Variants in PDS5A observed in about 807,000 individuals in gnomAD.
PDS5A encodes the protein PDS5 cohesin associated factor A.
In PDS5A, 42 loss-of-function variants were observed where a neutral mutation model predicts 167.1. The observed-to-expected ratio is 0.25, with a 90% CI of 0.20 to 0.33. The LOEUF is 0.33. Ranked by LOEUF, PDS5A falls within the 10% of genes least tolerant of loss-of-function variation. The probability of loss-of-function intolerance (pLI) is 1.00; values close to 1 mark genes in which losing one functional copy is unlikely to be tolerated. For missense variants in PDS5A, 1,033 were observed against 1,605.9 expected (o/e 0.64, Z 6.10); for synonymous variants, 553 against 554.6 (o/e 1.00, Z 0.04).
intron 2 of PDS5A, among the ~76,000 whole-genome samples, chr4:39,930,779 A>G (rs1487228418): frequency 1.3e-5 from 2 of 152,122 alleles, no homozygotes; most frequent in African/African-American, 4.8e-5. Flanking sequence ...CTAAATATTT[A>G]GGGAAGTATA....
chr4:39,976,800 C>A (rs551733734), intron 1 of PDS5A, among the ~76,000 whole-genome samples, 183 bp from the exon 2 acceptor site: 124 of 152,350 alleles, frequency 8.1e-4, no homozygotes, highest in African/African-American at 2.7e-3. Flanking sequence ...CCGGCCCTGC[C>A]AGCCCCAGGC....
chr4:39,896,133 C>T (rs1261132512), intron 16 of PDS5A, among the ~76,000 whole-genome samples: 1 of 151,308 alleles, frequency 6.6e-6, no homozygotes. Context: ...GGCTTAAAAT[C>T]CTGGGCTCAA....
At chr4:39,828,719 T>C (rs1434065063) in intron 32 of PDS5A, among the ~76,000 whole-genome samples, 1 of 152,196 alleles carries the variant, frequency 6.6e-6, no homozygotes, top group African/African-American at 2.4e-5. Context: ...GTGGTGCAAG[T>C]GTAAAGTACC....
chr4:39,967,470 A>AC (rs1385083997), intron 2 of PDS5A, among the ~76,000 whole-genome samples: 1 of 151,298 alleles, frequency 6.6e-6, no homozygotes, highest in Non-Finnish European at 1.5e-5. Flanking sequence ...ACATGGTGAA[A>AC]CCCCGTCTCT....
At chr4:39,884,474 T>A (rs1454774340) in intron 17 of PDS5A, among the ~76,000 whole-genome samples, 1 of 152,226 alleles carries the variant, frequency 6.6e-6, no homozygotes, top group Non-Finnish European at 1.5e-5. Context: ...GATGTACATG[T>A]TGGAAAGGAC....
At chr4:39,910,132 C>T (rs898157859) in intron 10 of PDS5A, 112 bp downstream of exon 10, 5 of 547,820 alleles carry the variant, frequency 9.1e-6, no homozygotes, top group African/African-American at 3.8e-5. Context: ...AATGAAAACA[C>T]GAGACCATAC....
intron 2 of PDS5A, chr4:39,974,313 C>A: frequency 3.8e-6 from 2 of 527,988 alleles, no homozygotes; most frequent in South Asian, 2.8e-5. Flanking sequence ...TGAGTCATGT[C>A]AACAGAGCGG....
chr4:39,888,793 G>A (rs541146015), intron 17 of PDS5A, among the ~76,000 whole-genome samples: 14 of 152,220 alleles, frequency 9.2e-5, no homozygotes, highest in Non-Finnish European at 1.8e-4. Flanking sequence ...GCTGGGAAGG[G>A]TGAGAAAGGC....
rs899385489 is a variant in PDS5A, at chr4:39,823,627, ACT to A, written c.*1856_*1857del. The A allele has an allele frequency of 3.3e-5, 5 of 152,556 alleles. No individual in the cohort carries two copies. The highest frequency in any genetic ancestry group is 4.8e-5 in the African/African-American group (2 of 41,424). 9.5% of individuals were successfully genotyped at this position (152,556 alleles called of 1,614,324 possible). A position where few individuals can be genotyped will look rare whatever the true frequency, so the allele number is the denominator to read the frequency against. On this transcript the variant is annotated 3_prime_UTR_variant, in exon 33 of 33. Coordinates refer to ENST00000303538, the MANE Select transcript of PDS5A (RefSeq NM_001100399.2). Reference sequence around the variant, plus strand: ...AACACACCTACTGATTGCTTGAGGGACTTCTCTGATACTTATGCATAGATACT... The same window carrying A: ...AACACACCTACTGATTGCTTGAGGGATCTCTGATACTTATGCATAGATACT...
At position 39,837,897 on chromosome 4, in the gene PDS5A, G is replaced by T. The variant is rs376181263; in HGVS notation, c.3969C>A (p.Ala1323=). 60 of 1,610,792 alleles carry T rather than the reference G, an allele frequency of 3.7e-5. No homozygotes were observed. The highest frequency in any genetic ancestry group is 4.8e-5 in the Non-Finnish European group (57 of 1,179,130). ...GTCTTTCTGCTGGTGCTGCCTTTTT[G>T]GCTAAATCTTGCAGTTTGGGTGCTT... The part of the protein sequence containing the change: ...NAKAPKLQDL[A]KKAAPAERQI... Residue 1323 remains alanine, a synonymous_variant, in exon 32 of 33, where the codon GCC becomes GCA. Coordinates refer to ENST00000303538, the MANE Select transcript of PDS5A (RefSeq NM_001100399.2).
intron 21 of PDS5A, chr4:39,872,777 T>A: frequency 2.9e-6 from 1 of 346,932 alleles, no homozygotes; most frequent in Non-Finnish European, 5.1e-6. Context: ...GTGTTCTAAT[T>A]TTTGTTTCTT....
At chr4:39,867,726 A>G (rs1225279739) in intron 22 of PDS5A, among the ~76,000 whole-genome samples, 1 of 112,708 alleles carries the variant, frequency 8.9e-6, no homozygotes, top group Non-Finnish European at 1.7e-5. Flanking sequence ...TTTCATAAAA[A>G]AACCAAAACA....
chr4:39,837,952 C>T lies in PDS5A; in HGVS notation c.3914G>A (p.Ser1305Asn). Residue 1305 changes from serine to asparagine, a missense_variant, in exon 32 of 33, where the codon AGC becomes AAC. Around this residue, in one of 4 missense-constraint regions of PDS5A, gnomAD observed 233 missense variants for 264.0 expected, o/e 0.88. Transcript: ENST00000303538. ...ATTACCTGCTTCCAAACCCCCAGGG[C>T]TCTCCTGACCCACTGCAGCTCTCTT... ...GRKRAAVGQE[S>N]PGGLEAGNAK... 6.2e-7 allele frequency: 1 copy of T among 1,614,036 alleles called. No individual in the cohort carries two copies. The highest frequency in any genetic ancestry group is 8.5e-7 in the Non-Finnish European group (1 of 1,179,902).
intron 1 of PDS5A, among the ~76,000 whole-genome samples, chr4:39,976,883 A>G (rs1444775038): frequency 6.6e-6 from 1 of 151,942 alleles, no homozygotes; most frequent in African/African-American, 2.4e-5. Flanking sequence ...GCCTTTCACA[A>G]TGAAATCCAC....
At chr4:39,962,684 A>G (rs1729601143) in intron 2 of PDS5A, among the ~76,000 whole-genome samples, 2 of 151,920 alleles carry the variant, frequency 1.3e-5, no homozygotes, top group South Asian at 2.1e-4. Flanking sequence ...CAAGCCTGTA[A>G]TCCCATCTAG....
At chr4:39,908,697 A>G in intron 10 of PDS5A, 157 bp from the exon 11 acceptor site, 2 of 607,616 alleles carry the variant, frequency 3.3e-6, no homozygotes, top group Non-Finnish European at 5.8e-6. Flanking sequence ...TTACAGCAGC[A>G]GTACTCTACT....
chr4:39,848,772 A>G lies in PDS5A; in HGVS notation c.3339+79T>C, dbSNP rs148437373. On this transcript the variant is annotated intron_variant, in intron 28 of 32. Coordinates refer to ENST00000303538, the MANE Select transcript of PDS5A (RefSeq NM_001100399.2). ...TTTACTCTGTGGTCAAGACAATTCA[A>G]TATTTGCCACAATGGTTGATGGTAA... 393 of 1,285,274 alleles carry G rather than the reference A, an allele frequency of 3.1e-4. 3 individuals are homozygous for G. The highest frequency in any genetic ancestry group is 2.5e-3 in the African/African-American group (172 of 67,882). 79.6% of individuals were successfully genotyped at this position (1,285,274 alleles called of 1,614,324 possible).
intron 26 of PDS5A, among the ~76,000 whole-genome samples, chr4:39,851,610 AT>A (rs1321845733): frequency 6.6e-6 from 1 of 152,188 alleles, no homozygotes; most frequent in Non-Finnish European, 1.5e-5. Context: ...TTTTTGAGGC[AT>A]TAAGTAACCT....
chr4:39,895,723 ATTGT>A (rs776219960), intron 16 of PDS5A, among the ~76,000 whole-genome samples: 9 of 151,606 alleles, frequency 5.9e-5, no homozygotes, highest in Non-Finnish European at 8.8e-5. Flanking sequence ...TTTTTGTTTG[ATTGT>A]TTGTTTTTGA....
Sources: gnomAD v4.1 joint callset for allele counts (sites outside exome capture counted in the v4.1 genomes callset) on GRCh38, gnomAD v4.1.1 for gene constraint, gnomAD v4.1.1 regional missense constraint, MANE v1.5 for transcripts, NCBI Gene and HGNC (gene_info 2026-07-23, HGNC 2026-07-21) for gene names.